The following ASTN2 variants were observed in gnomAD, a reference collection of about 807,000 sequenced individuals.
ASTN2 encodes the protein astrotactin-2.
ASTN2 carries 54 observed loss-of-function variants against 139.8 expected under a neutral mutation model. The observed-to-expected ratio is 0.39, with a 90% CI of 0.31 to 0.48. The LOEUF (loss-of-function observed/expected upper bound fraction) is 0.48. ASTN2 is among the 20% of genes least tolerant of loss of function. ASTN2 has a pLI of 0.95. For missense variants in ASTN2, 1,565 were observed against 1,725.1 expected, an observed-to-expected ratio of 0.91 and a Z score of 1.64; for synonymous variants, 756 against 719.5, an observed-to-expected ratio of 1.05 and a Z score of -0.81.
At chr9:117,376,800 G>A (rs1431370086) in intron 1 of ASTN2, among the ~76,000 whole-genome samples, 1 of 152,168 alleles carries the variant, frequency 6.6e-6, no homozygotes, top group Admixed American at 6.5e-5. Flanking sequence ...ATTGCATCTA[G>A]CACATCATAG....
intron 16 of ASTN2, among the ~76,000 whole-genome samples, chr9:116,655,703 T>TA (rs1175976669): frequency 7.2e-5 from 11 of 152,092 alleles, no homozygotes; most frequent in Admixed American, 6.6e-4. Flanking sequence ...AAGATTTTTT[T>TA]TATATATATA....
intron 19 of ASTN2, among the ~76,000 whole-genome samples, chr9:116,600,034 T>C (rs1249891160): frequency 1.3e-5 from 2 of 152,074 alleles, no homozygotes; most frequent in Non-Finnish European, 2.9e-5. Context: ...ATATTAAAGA[T>C]TACTCTGGTC....
chr9:116,719,512 C>A (rs1190538420), intron 16 of ASTN2, among the ~76,000 whole-genome samples: 5 of 152,090 alleles, frequency 3.3e-5, no homozygotes, highest in Non-Finnish European at 2.9e-5. Context: ...TGCTTCTAAA[C>A]AGATAATGGT....
At chr9:117,232,610 A>G (rs970884039) in intron 2 of ASTN2, among the ~76,000 whole-genome samples, 4 of 152,176 alleles carry the variant, frequency 2.6e-5, no homozygotes, top group Non-Finnish European at 5.9e-5. Context: ...ATTAATCTCC[A>G]TCTGCTTTAC....
chr9:116,650,238 G>T (rs532221697), intron 17 of ASTN2, among the ~76,000 whole-genome samples: 19 of 152,252 alleles, frequency 1.2e-4, no homozygotes, highest in African/African-American at 4.3e-4. Flanking sequence ...TGAAATAGTG[G>T]CATCACTATT....
intron 16 of ASTN2, among the ~76,000 whole-genome samples, chr9:116,717,139 T>G (rs1191521404): frequency 6.6e-6 from 1 of 152,236 alleles, no homozygotes; most frequent in African/African-American, 2.4e-5. Flanking sequence ...ACAGACTTTT[T>G]GTGAGGAGTA....
At chr9:117,034,781 G>A (rs1321943386) in intron 6 of ASTN2, among the ~76,000 whole-genome samples, 1 of 152,084 alleles carries the variant, frequency 6.6e-6, no homozygotes, top group African/African-American at 2.4e-5. Flanking sequence ...ATGCAAACAT[G>A]TTCCATTTCT....
chr9:116,474,468 A>G (rs1249272863), intron 20 of ASTN2, among the ~76,000 whole-genome samples: 2 of 152,220 alleles, frequency 1.3e-5, no homozygotes, highest in Non-Finnish European at 2.9e-5. Flanking sequence ...GAAAAATGCC[A>G]GAAGTCTGGA....
chr9:117,257,976 G>T (rs531093350), intron 2 of ASTN2, among the ~76,000 whole-genome samples: 3 of 152,226 alleles, frequency 2.0e-5, no homozygotes, highest in Admixed American at 6.5e-5. Context: ...TTTTTTTGTT[G>T]TTGTTTTATT....
At chr9:116,480,722 T>C (rs1237710870) in intron 20 of ASTN2, among the ~76,000 whole-genome samples, 2 of 152,038 alleles carry the variant, frequency 1.3e-5, no homozygotes, top group African/African-American at 4.8e-5. Flanking sequence ...GAAACACACA[T>C]GGGAAGAGTC....
At chr9:116,990,360 GGGTTCAAGCGATTCTCCTGCCTCCGCCT>G (rs1836817429) in intron 7 of ASTN2, among the ~76,000 whole-genome samples, 1 of 29,056 alleles carries the variant, frequency 3.4e-5, no homozygotes, top group Non-Finnish European at 4.0e-4. Flanking sequence ...TCTGCCTCTT[GGGTTCAAGCGATTCTCCTGCCTCCGCCT>G]CCCGAGTAGC....
At chr9:117,331,920 A>G (rs1024248988) in intron 1 of ASTN2, among the ~76,000 whole-genome samples, 1 of 152,038 alleles carries the variant, frequency 6.6e-6, no homozygotes, top group Non-Finnish European at 1.5e-5. Flanking sequence ...ACAACCCTCC[A>G]TTCATACCCC....
chr9:116,518,770 A>G (rs1355371628), intron 19 of ASTN2, among the ~76,000 whole-genome samples: 3 of 152,110 alleles, frequency 2.0e-5, no homozygotes, highest in African/African-American at 7.2e-5. Flanking sequence ...TGTCTTCAGG[A>G]GTCTCACCTA....
intron 3 of ASTN2, among the ~76,000 whole-genome samples, chr9:117,187,989 G>A (rs903477185): frequency 6.6e-6 from 1 of 152,032 alleles, no homozygotes; most frequent in African/African-American, 2.4e-5. Context: ...TCTCAGCCTT[G>A]ATTTGATAGA....
At chr9:117,244,028 C>T (rs76145683) in intron 2 of ASTN2, among the ~76,000 whole-genome samples, 172 of 152,198 alleles carry the variant, frequency 1.1e-3, no homozygotes, top group African/African-American at 3.9e-3. Context: ...ATGAGCTGTT[C>T]TCATGATAGT....
At chr9:116,839,897 T>C (rs2132300781) in intron 11 of ASTN2, among the ~76,000 whole-genome samples, 1 of 137,508 alleles carries the variant, frequency 7.3e-6, no homozygotes, top group African/African-American at 2.8e-5. Flanking sequence ...TTTTTTTTAA[T>C]TGATCATTCT....
intron 2 of ASTN2, among the ~76,000 whole-genome samples, chr9:117,269,350 T>C (rs1008431798): frequency 6.6e-6 from 1 of 152,132 alleles, no homozygotes; most frequent in Non-Finnish European, 1.5e-5. Flanking sequence ...TAAAGACAAA[T>C]TTCCCCCAAT....
rs57512218 is a variant in ASTN2 at position 116,607,670 on chromosome 9, A to AACACAC, written c.3355+10648_3355+10653dup. Among the ~76,000 whole-genome samples the AACACAC allele has an allele frequency of 5.3e-3, 719 of 136,350 alleles. 5 individuals are homozygous for AACACAC. Among genetic ancestry groups the AACACAC allele is most frequent in the Non-Finnish European group, 7.3e-3 (463 of 63,436 alleles). The allele number at this position is 136,350 out of a possible 152,430, so 89.5% of individuals were successfully genotyped here. On this transcript the variant is annotated intron_variant, in intron 19 of 22. Coordinates refer to ENST00000313400, the MANE Select transcript of ASTN2 (RefSeq NM_001365068.1). Reference sequence around the variant, plus strand: ...CTACTGCCCACACCATTAAGAAATTAACACACACACACACACACACACACA... The same window carrying AACACAC: ...CTACTGCCCACACCATTAAGAAATTAACACACACACACACACACACACACACACACA...
intron 1 of ASTN2, among the ~76,000 whole-genome samples, chr9:117,312,988 C>T (rs1273029945): frequency 1.3e-5 from 2 of 152,176 alleles, no homozygotes; most frequent in African/African-American, 2.4e-5. Flanking sequence ...CTTGTTGACA[C>T]CCATTTGTTT....
Sources: allele counts gnomAD v4.1 joint callset (sites outside exome capture counted in the v4.1 genomes callset), GRCh38; gene constraint gnomAD v4.1.1; transcripts MANE v1.5; gene names NCBI Gene and HGNC (gene_info 2026-07-23, HGNC 2026-07-21).